Variants in SRGAP3 observed in about 807,000 individuals in gnomAD.
SRGAP3 encodes the protein SLIT-ROBO Rho GTPase-activating protein 3.
SRGAP3 carries 39 observed loss-of-function variants against 121.1 expected under a neutral mutation model. The ratio of observed to expected loss-of-function variants is 0.32; its 90% CI spans 0.25 to 0.42. The LOEUF is 0.42. SRGAP3 is among the 10% of genes least tolerant of loss of function. The pLI, the probability that SRGAP3 is intolerant of heterozygous loss-of-function variation, is 1.00. For synonymous variants in SRGAP3, 601 were observed against 570.0 expected (o/e 1.05, Z -0.77); for missense variants, 1,213 against 1,470.6 (o/e 0.82, Z 2.86).
intron 1 of SRGAP3, among the ~76,000 whole-genome samples, chr3:9,173,616 T>C (rs954409685): frequency 2.0e-5 from 3 of 151,948 alleles, no homozygotes; most frequent in African/African-American, 7.3e-5. Flanking sequence ...TAAGCATCAA[T>C]CCCTCCAACG....
intron 1 of SRGAP3, among the ~76,000 whole-genome samples, chr3:9,195,537 C>T (rs1478156541): frequency 6.6e-6 from 1 of 152,160 alleles, no homozygotes; most frequent in Non-Finnish European, 1.5e-5. Context: ...TTACCTGAAG[C>T]CACTTCCTCC....
intron 1 of SRGAP3, among the ~76,000 whole-genome samples, chr3:9,185,242 G>A (rs200879105): frequency 1.3e-5 from 2 of 152,168 alleles, no homozygotes; most frequent in East Asian, 1.9e-4. Flanking sequence ...CCCATGGACA[G>A]GCTGCATGCC....
At chr3:9,232,510 T>C (rs2125223051) in intron 1 of SRGAP3, among the ~76,000 whole-genome samples, 1 of 152,280 alleles carries the variant, frequency 6.6e-6, no homozygotes, top group African/African-American at 2.4e-5. Flanking sequence ...GTTTTTATTT[T>C]TAAAACTGTA....
At chr3:9,338,646 G>A (rs1559283306) in intron 1 of SRGAP3, among the ~76,000 whole-genome samples, 1 of 152,176 alleles carries the variant, frequency 6.6e-6, no homozygotes, top group Non-Finnish European at 1.5e-5. Flanking sequence ...GCCTCACAAA[G>A]AAGCACTTTT....
chr3:9,325,451 T>C (rs112267534), intron 3 of SRGAP3, among the ~76,000 whole-genome samples: 1 of 151,952 alleles, frequency 6.6e-6, no homozygotes, highest in African/African-American at 2.4e-5. Context: ...CACATGTACT[T>C]TTCTGTTTAG....
intron 1 of SRGAP3, among the ~76,000 whole-genome samples, chr3:9,187,124 C>A (rs1416594303): frequency 6.6e-6 from 1 of 150,624 alleles, no homozygotes; most frequent in Non-Finnish European, 1.5e-5. Flanking sequence ...CCCCCCACCC[C>A]CCGACAGGCC....
intron 1 of SRGAP3, among the ~76,000 whole-genome samples, chr3:9,224,527 A>G (rs940582046): frequency 1.3e-5 from 2 of 152,194 alleles, no homozygotes; most frequent in African/African-American, 4.8e-5. Context: ...TTCCCAAGAA[A>G]TACCGCCTTC....
chr3:9,082,451 C>A (rs1035948965), intron 3 of SRGAP3, among the ~76,000 whole-genome samples: 4 of 152,222 alleles, frequency 2.6e-5, no homozygotes, highest in African/African-American at 9.6e-5. Flanking sequence ...AAGCTCTCAC[C>A]AGACATCAAA....
At chr3:9,024,258 T>A (rs1298539136) in intron 14 of SRGAP3, among the ~76,000 whole-genome samples, 3 of 152,180 alleles carry the variant, frequency 2.0e-5, no homozygotes, top group Non-Finnish European at 4.4e-5. Flanking sequence ...TATGGAGACA[T>A]GACCTTTTCA....
intron 1 of SRGAP3, among the ~76,000 whole-genome samples, chr3:9,354,631 G>A (rs559194576): frequency 1.4e-5 from 2 of 147,252 alleles, no homozygotes; most frequent in South Asian, 2.1e-4. Flanking sequence ...GCAGTGAGCC[G>A]AGATTGCGCC....
At chr3:9,117,848 G>A (rs941093592) in intron 2 of SRGAP3, among the ~76,000 whole-genome samples, 4 of 152,182 alleles carry the variant, frequency 2.6e-5, no homozygotes, top group Admixed American at 1.3e-4. Context: ...AGCCAGGTGC[G>A]GTGGTTCTGC....
chr3:9,280,326 C>T (rs949678687), intron 3 of SRGAP3, among the ~76,000 whole-genome samples: 4 of 152,252 alleles, frequency 2.6e-5, no homozygotes, highest in Admixed American at 6.5e-5. Context: ...ACTCAAGGTG[C>T]TGAGTGGCCA....
chr3:9,015,767 T>C (rs374984297), intron 14 of SRGAP3, 36 bp from the exon 15 acceptor site: 1 of 1,613,458 alleles, frequency 6.2e-7, no homozygotes, highest in Non-Finnish European at 8.5e-7. Flanking sequence ...ATATTTCAGC[T>C]TGGGAAGGAG....
chr3:9,059,888 A>G, intron 6 of SRGAP3: 1 of 357,792 alleles, frequency 2.8e-6, no homozygotes, highest in Non-Finnish European at 5.4e-6. Context: ...AAATCCCCCA[A>G]GGCATGAACT....
At chr3:9,271,628 A>G (rs1954479884) in intron 3 of SRGAP3, among the ~76,000 whole-genome samples, 1 of 152,048 alleles carries the variant, frequency 6.6e-6, no homozygotes, top group Non-Finnish European at 1.5e-5. Flanking sequence ...AAACCTGTGC[A>G]CAGATCTCCA....
At chr3:9,355,182 A>T (rs1198284771) in intron 1 of SRGAP3, among the ~76,000 whole-genome samples, 1 of 152,076 alleles carries the variant, frequency 6.6e-6, no homozygotes, top group African/African-American at 2.4e-5. Flanking sequence ...CCCAAATCTA[A>T]AACACCAGCA....
Position 9,060,212 on chromosome 3 carries a change from G to C in SRGAP3, c.801+19C>G, listed in dbSNP as rs1560039357. 1 of 1,613,802 alleles carries C rather than the reference G, an allele frequency of 6.2e-7. No homozygotes were observed. Among genetic ancestry groups the C allele is most frequent in the African/African-American group, 1.3e-5 (1 of 75,026 alleles). ...CTGGTGTGGGCCCTGCTCAGTCCCA[G>C]ACTCCCCAGGGAGCTCACATCGATC... is the stretch of plus-strand genomic sequence containing the variant. On this transcript the variant is annotated intron_variant, in intron 6 of 21. Transcript: ENST00000383836.
chr3:9,240,442 T>TCACC (rs1262652538), intron 1 of SRGAP3, among the ~76,000 whole-genome samples: 1 of 152,002 alleles, frequency 6.6e-6, no homozygotes, highest in Non-Finnish European at 1.5e-5. Context: ...CAGCCCAAAC[T>TCACC]CACCCCCTCC....
intron 11 of SRGAP3, among the ~76,000 whole-genome samples, chr3:9,033,194 C>T (rs531974538): frequency 6.6e-6 from 1 of 152,294 alleles, no homozygotes; most frequent in Non-Finnish European, 1.5e-5. Flanking sequence ...AGTCTCAACT[C>T]CCAATGTACC....
Sources: gnomAD v4.1 joint callset for allele counts (sites outside exome capture counted in the v4.1 genomes callset) on GRCh38, gnomAD v4.1.1 for gene constraint, MANE v1.5 for transcripts, NCBI Gene and HGNC (gene_info 2026-07-23, HGNC 2026-07-21) for gene names.